Variants in COLEC11 observed in about 807,000 individuals in gnomAD.
The protein encoded by COLEC11 is collectin-11.
COLEC11 carries 20 observed loss-of-function variants against 27.3 expected under a neutral mutation model. That is an observed-to-expected ratio of 0.73 (90% confidence interval 0.51 to 1.06). The LOEUF is 1.06. Ranked by LOEUF, COLEC11 falls within the 50% of genes least tolerant of loss-of-function variation. The pLI is 0.00. For missense variants in COLEC11, 310 were observed against 383.0 expected (o/e 0.81, Z 1.59); for synonymous variants, 163 against 154.7 (o/e 1.05, Z -0.40).
At chr2:3,641,176 C>T in intron 5 of COLEC11, 1 of 1,282,576 alleles carries the variant, frequency 7.8e-7, no homozygotes, top group East Asian at 5.6e-5. Context: ...AAGGATCTGA[C>T]TCTTGGATAC....
In COLEC11 at chr2:3,643,960, T is replaced by TC; in HGVS notation, c.663dup (p.Met222HisfsTer11). On this transcript the variant is annotated frameshift_variant, in exon 7 of 7. Coordinates refer to ENST00000349077, the MANE Select transcript of COLEC11 (RefSeq NM_024027.5). LOFTEE classifies it high-confidence loss of function. ...GGGCGCCTTCGTGTACTCTGACCAC[T>TC]CCCCCATGCGGACCTTCAACAAGTG... 1 of 1,614,080 alleles carries TC rather than the reference T, an allele frequency of 6.2e-7. No individual in the cohort carries two copies. The highest frequency in any genetic ancestry group is 8.5e-7 in the Non-Finnish European group (1 of 1,180,018).
chr2:3,597,674 TA>T (rs80108593), intron 1 of COLEC11, among the ~76,000 whole-genome samples: 250 of 141,812 alleles, frequency 1.8e-3, no homozygotes, highest in Middle Eastern at 3.5e-3. Context: ...CCTGAGACAT[TA>T]AAAAAAAAAA....
At chr2:3,609,174 G>T (rs759839585) in intron 2 of COLEC11, among the ~76,000 whole-genome samples, 2 of 152,174 alleles carry the variant, frequency 1.3e-5, no homozygotes, top group Non-Finnish European at 2.9e-5. Context: ...TTAGCTGAGA[G>T]ATATAAAGAA....
At chr2:3,603,804 G>A (rs1662419845) in intron 1 of COLEC11, 3 of 777,602 alleles carry the variant, frequency 3.9e-6, no homozygotes, top group East Asian at 5.4e-5. Flanking sequence ...AGGAAGGCCA[G>A]GTGCCTGTCT....
intron 3 of COLEC11, among the ~76,000 whole-genome samples, chr2:3,628,746 G>T (rs769620158): frequency 5.3e-5 from 8 of 152,212 alleles, no homozygotes; most frequent in Non-Finnish European, 1.2e-4. Flanking sequence ...TGCTCTTTTT[G>T]CCTCTTCTCC....
intron 1 of COLEC11, among the ~76,000 whole-genome samples, chr2:3,595,473 A>AG (rs888169330): frequency 3.6e-4 from 55 of 152,348 alleles, no homozygotes; most frequent in African/African-American, 1.3e-3. Flanking sequence ...CCCAAGGCCC[A>AG]GGGGGCTAAA....
chr2:3,616,706 G>C (rs1663771347), intron 3 of COLEC11, among the ~76,000 whole-genome samples: 1 of 152,228 alleles, frequency 6.6e-6, no homozygotes, highest in Non-Finnish European at 1.5e-5. Context: ...CGAGATGGCA[G>C]CAGTACAGTC....
intron 1 of COLEC11, chr2:3,603,745 C>A (rs905468044): frequency 1.5e-6 from 2 of 1,376,286 alleles, no homozygotes; most frequent in African/African-American, 1.4e-5. Flanking sequence ...CCTCCCCAGG[C>A]CCCTGGGTTC....
intron 3 of COLEC11, 93 bp downstream of exon 3, chr2:3,613,475 G>A: frequency 1.5e-6 from 2 of 1,342,008 alleles, no homozygotes. Context: ...GGTGGTTCCA[G>A]AGAGGACAGG....
intron 3 of COLEC11, among the ~76,000 whole-genome samples, chr2:3,618,682 A>G (rs537458634): frequency 1.4e-4 from 22 of 152,296 alleles, no homozygotes; most frequent in Non-Finnish European, 2.6e-4. Flanking sequence ...ATGGTTTTAC[A>G]TGAATTTTAG....
At chr2:3,621,403 A>G (rs1664178216) in intron 3 of COLEC11, among the ~76,000 whole-genome samples, 1 of 151,892 alleles carries the variant, frequency 6.6e-6, no homozygotes, top group South Asian at 2.1e-4. Flanking sequence ...CTTCATTTTT[A>G]GTCTATGTGT....
chr2:3,629,306 G>T (rs963850591), intron 3 of COLEC11, among the ~76,000 whole-genome samples: 2 of 152,186 alleles, frequency 1.3e-5, no homozygotes, highest in Non-Finnish European at 2.9e-5. Flanking sequence ...CCCCAAAATA[G>T]AATATTTCTG....
At chr2:3,596,144 G>A (rs1572371355) in intron 1 of COLEC11, among the ~76,000 whole-genome samples, 1 of 152,284 alleles carries the variant, frequency 6.6e-6, no homozygotes, top group Admixed American at 6.5e-5. Context: ...CTCTGTCACT[G>A]TAGGGAGGGA....
Position 3,598,087 on chromosome 2 carries a change from C to T in COLEC11, c.-27+2919C>T, listed in dbSNP as rs914463003. On this transcript the variant is annotated intron_variant, in intron 1 of 6. Transcript: ENST00000349077. ...AGTCACTGGAATTCCAGGCACCCGC[C>T]ACCATGCCCAGCTAATTTTTGTATT... is the stretch of plus-strand genomic sequence containing the variant. Among the ~76,000 whole-genome samples, 3 of 152,244 alleles carry T rather than the reference C, an allele frequency of 2.0e-5. No individual in the cohort carries two copies. In the East Asian group the frequency reaches 5.8e-4, roughly 29 times the overall value.
At chr2:3,637,700 G>T in intron 4 of COLEC11, 96 bp downstream of exon 4, 1 of 993,664 alleles carries the variant, frequency 1.0e-6, no homozygotes, top group Non-Finnish European at 1.6e-6. Flanking sequence ...TGTCTCGTCT[G>T]GTGCTCTTAT....
intron 3 of COLEC11, among the ~76,000 whole-genome samples, chr2:3,623,509 A>T (rs1664319785): frequency 6.6e-6 from 1 of 151,584 alleles, no homozygotes; most frequent in Admixed American, 6.6e-5. Flanking sequence ...CTCTTCTCTG[A>T]TTGAATATTT....
intron 3 of COLEC11, among the ~76,000 whole-genome samples, chr2:3,625,625 C>CTTTTT (rs60222284): frequency 0.12 from 10,831 of 90,462 alleles, 1,557 homozygotes; most frequent in East Asian, 0.26. Flanking sequence ...TTCTTTTTTA[C>CTTTTT]TTTTTTTTTT....
At chr2:3,637,165 A>G (rs1271829436) in intron 3 of COLEC11, among the ~76,000 whole-genome samples, 1 of 152,118 alleles carries the variant, frequency 6.6e-6, no homozygotes, top group East Asian at 1.9e-4. Flanking sequence ...GGGGTGCAGG[A>G]GTAGGAGCTG....
rs554153134 is a variant in COLEC11, at chr2:3,631,727, G to A, written c.203-5806G>A. Among the ~76,000 whole-genome samples the A allele has an allele frequency of 1.8e-3, 272 of 151,940 alleles. 2 individuals carry two copies. The highest frequency in any genetic ancestry group is 6.3e-3 in the African/African-American group (259 of 41,414). On this transcript the variant is annotated intron_variant, in intron 3 of 6. Transcript: ENST00000349077. ...CTCTGCTCGGAGGGGGCCCCTACTC[G>A]GAGGGGACTCTGCTCGGAGGGGGCT...
Sources: allele counts gnomAD v4.1 joint callset (sites outside exome capture counted in the v4.1 genomes callset), GRCh38; gene constraint gnomAD v4.1.1; transcripts MANE v1.5; gene names NCBI Gene and HGNC (gene_info 2026-07-23, HGNC 2026-07-21).